Variants in TBC1D22A observed in about 807,000 individuals in gnomAD.
TBC1D22A encodes the protein putative GTPase activator.
TBC1D22A carries 38 observed loss-of-function variants against 60.2 expected under a neutral mutation model. The ratio of observed to expected loss-of-function variants is 0.63; its 90% CI spans 0.49 to 0.83. The LOEUF is 0.83. Among genes scored for constraint, TBC1D22A ranks in the 40% least tolerant of loss-of-function variants. TBC1D22A has a pLI of 0.00. For missense variants in TBC1D22A, 628 were observed against 701.0 expected, an observed-to-expected ratio of 0.90 and a Z score of 1.18; for synonymous variants, 302 against 281.7, an observed-to-expected ratio of 1.07 and a Z score of -0.72.
chr22:46,901,631 A>G (rs867355443), intron 7 of TBC1D22A, among the ~76,000 whole-genome samples: 11 of 152,158 alleles, frequency 7.2e-5, no homozygotes, highest in Non-Finnish European at 5.9e-5. Context: ...TTTATGTGAT[A>G]TATGGTTGCC....
chr22:47,165,280 G>A (rs921484288), intron 12 of TBC1D22A, among the ~76,000 whole-genome samples: 4 of 152,138 alleles, frequency 2.6e-5, no homozygotes, highest in African/African-American at 9.7e-5. Flanking sequence ...CAGCCCTCAT[G>A]GCACCTGCGA....
At chr22:47,135,224 C>A (rs2066820274) in intron 12 of TBC1D22A, among the ~76,000 whole-genome samples, 2 of 152,216 alleles carry the variant, frequency 1.3e-5, no homozygotes, top group African/African-American at 4.8e-5. Context: ...CGGCGCAGGG[C>A]TCGGCGCTGC....
chr22:47,153,832 G>A (rs1470953359), intron 12 of TBC1D22A, among the ~76,000 whole-genome samples: 1 of 152,160 alleles, frequency 6.6e-6, no homozygotes. Flanking sequence ...AGAGATCAAG[G>A]TAAAGACCCA....
chr22:47,113,581 C>G (rs572026369), intron 12 of TBC1D22A, among the ~76,000 whole-genome samples: 10 of 152,218 alleles, frequency 6.6e-5, no homozygotes, highest in Non-Finnish European at 1.0e-4. Context: ...GGACCCTGAG[C>G]ACATTCTGGT....
At chr22:47,086,626 C>T (rs114121553) in intron 11 of TBC1D22A, among the ~76,000 whole-genome samples, 304 of 152,272 alleles carry the variant, frequency 2.0e-3, no homozygotes, top group African/African-American at 7.0e-3. Flanking sequence ...ACAGTGTATA[C>T]GCGATAGTAT....
rs190452536 is a variant in TBC1D22A at position 47,111,778 on chromosome 22, G to T, written c.1425+175G>T. ...TCCAGCTGAGGAGATGAGCCTGGCA[G>T]TGGTCACGTGGTCACAGCAGTGGAA... On this transcript the variant is annotated intron_variant, in intron 12 of 12. Coordinates refer to ENST00000337137, the MANE Select transcript of TBC1D22A (RefSeq NM_014346.5). 2.8e-4 allele frequency among the ~76,000 whole-genome samples: 43 copies of T among 151,110 alleles called. No homozygotes were observed. The East Asian group carries it at 7.3e-3, about 26-fold the overall frequency.
intron 5 of TBC1D22A, among the ~76,000 whole-genome samples, chr22:46,885,500 G>A (rs2068066998): frequency 6.6e-6 from 1 of 152,226 alleles, no homozygotes; most frequent in Admixed American, 6.5e-5. Context: ...TGCGGGTATG[G>A]CAATTCGGGG....
At chr22:46,790,013 A>C (rs1270774234) in intron 1 of TBC1D22A, among the ~76,000 whole-genome samples, 1 of 152,264 alleles carries the variant, frequency 6.6e-6, no homozygotes, top group African/African-American at 2.4e-5. Context: ...CAGATTGGCC[A>C]CCGCCATTGT....
intron 9 of TBC1D22A, among the ~76,000 whole-genome samples, chr22:46,987,121 A>G (rs538634468): frequency 2.6e-5 from 4 of 152,088 alleles, no homozygotes; most frequent in Admixed American, 2.0e-4. Context: ...TGGAAGCTGC[A>G]TTTTTCATGA....
chr22:47,026,650 T>C (rs2062267708), intron 10 of TBC1D22A, among the ~76,000 whole-genome samples: 1 of 152,184 alleles, frequency 6.6e-6, no homozygotes, highest in African/African-American at 2.4e-5. Flanking sequence ...AGCAATACAA[T>C]TTATAATAGC....
intron 10 of TBC1D22A, among the ~76,000 whole-genome samples, chr22:47,010,188 A>G (rs1188152866): frequency 1.3e-5 from 2 of 152,204 alleles, no homozygotes; most frequent in Admixed American, 6.5e-5. Context: ...TTCTTTTAAG[A>G]TAGAATTCAG....
At chr22:47,006,656 G>A (rs182400585) in intron 10 of TBC1D22A, among the ~76,000 whole-genome samples, 3 of 152,258 alleles carry the variant, frequency 2.0e-5, no homozygotes, top group East Asian at 1.9e-4. Context: ...TCAGCTTTGC[G>A]TTTTCTCCCC....
intron 1 of TBC1D22A, among the ~76,000 whole-genome samples, chr22:46,768,423 T>G (rs563740538): frequency 7.0e-6 from 1 of 142,914 alleles, no homozygotes; most frequent in Admixed American, 7.6e-5. Context: ...AGGCAGAGGT[T>G]GCAGTGAGCC....
intron 11 of TBC1D22A, among the ~76,000 whole-genome samples, chr22:47,074,596 T>A (rs1256975189): frequency 6.6e-6 from 1 of 152,258 alleles, no homozygotes; most frequent in Non-Finnish European, 1.5e-5. Context: ...GCATACAATC[T>A]AATATCCCTT....
chr22:47,080,166 A>G (rs987273578), intron 11 of TBC1D22A, among the ~76,000 whole-genome samples: 3 of 152,242 alleles, frequency 2.0e-5, no homozygotes, highest in Non-Finnish European at 4.4e-5. Context: ...TAAACTAGTT[A>G]TAACCAGAGA....
chr22:47,086,409 C>T (rs762359924), intron 11 of TBC1D22A, among the ~76,000 whole-genome samples: 13 of 152,202 alleles, frequency 8.5e-5, no homozygotes, highest in East Asian at 3.9e-4. Context: ...GAGCTGAGAT[C>T]GCGCCATTGC....
chr22:47,059,321 CA>C (rs2063496267), intron 11 of TBC1D22A, among the ~76,000 whole-genome samples: 1 of 152,236 alleles, frequency 6.6e-6, no homozygotes, highest in African/African-American at 2.4e-5. Flanking sequence ...TGTAAGAGAG[CA>C]GTGAGAACTA....
At chr22:47,024,510 C>G (rs911210396) in intron 10 of TBC1D22A, among the ~76,000 whole-genome samples, 1 of 152,120 alleles carries the variant, frequency 6.6e-6, no homozygotes, top group Non-Finnish European at 1.5e-5. Flanking sequence ...AAAGCAACTC[C>G]GAGAGAACCA....
At chr22:47,019,674 G>A (rs927964979) in intron 10 of TBC1D22A, among the ~76,000 whole-genome samples, 5 of 152,086 alleles carry the variant, frequency 3.3e-5, no homozygotes, top group East Asian at 1.9e-4. Context: ...GTGAGCAGTC[G>A]GGGGTGTGCA....
Sources: gnomAD v4.1 joint callset for allele counts (sites outside exome capture counted in the v4.1 genomes callset) on GRCh38, gnomAD v4.1.1 for gene constraint, MANE v1.5 for transcripts, NCBI Gene and HGNC (gene_info 2026-07-23, HGNC 2026-07-21) for gene names.